Variants in TUBE1 observed in about 807,000 individuals in gnomAD.
TUBE1 encodes the protein tubulin epsilon chain.
A neutral mutation model predicts 53.5 loss-of-function variants in TUBE1; 34 were observed. That is an observed-to-expected ratio of 0.64 (90% confidence interval 0.48 to 0.85). The LOEUF is 0.85. TUBE1 is among the 40% of genes least tolerant of loss of function. TUBE1 has a pLI of 0.00. For missense variants in TUBE1, 532 were observed against 570.5 expected (o/e 0.93, Z 0.69); for synonymous variants, 177 against 198.4 (o/e 0.89, Z 0.91).
intron 3 of TUBE1, chr6:112,085,845 A>C: frequency 2.7e-6 from 1 of 369,334 alleles, no homozygotes; most frequent in Non-Finnish European, 5.4e-6. Flanking sequence ...TGCCAATGAC[A>C]CTTCTGAGTT....
chr6:112,071,871 AC>A, intron 11 of TUBE1, 30 bp downstream of exon 11: 1 of 1,555,446 alleles, frequency 6.4e-7, no homozygotes, highest in Non-Finnish European at 8.7e-7. Flanking sequence ...CAAAATAAAC[AC>A]ATACAGTTAC....
intron 6 of TUBE1, chr6:112,078,461 T>A (rs1777010933): frequency 6.6e-6 from 1 of 152,068 alleles, no homozygotes; most frequent in Admixed American, 6.5e-5. Flanking sequence ...TGGATAATCT[T>A]GTTTATGTAA....
chr6:112,079,042 A>G (rs1226427189), intron 6 of TUBE1, among the ~76,000 whole-genome samples: 2 of 152,048 alleles, frequency 1.3e-5, no homozygotes, highest in Non-Finnish European at 2.9e-5. Flanking sequence ...CTTCAGTTCT[A>G]AGGTATAGAC....
chr6:112,087,303 C>G lies in TUBE1; in HGVS notation c.29G>C (p.Gly10Ala). The change falls in exon 2 of 12, where the codon GGC (glycine) becomes GCC (alanine). Residue 10 changes from glycine (G) to alanine (A), a missense_variant. Physicochemically the swap from Gly to Ala is moderately conservative, Grantham distance 60. Transcript: ENST00000368662. ...GCAGCCGATCTGGTTTCCGCACTGG[C>G]CGACTGCGACCGGAGGAGAGGAAGG... MTQSVVVQV[G>A]QCGNQIGCCF... 1 of 1,552,398 alleles carries G rather than the reference C, an allele frequency of 6.4e-7. No individual in the cohort carries two copies. Among genetic ancestry groups the G allele is most frequent in the East Asian group, 2.4e-5 (1 of 40,998 alleles).
At chr6:112,086,753 C>T (rs992018038) in intron 2 of TUBE1, 145 bp from the exon 3 acceptor site, 1 of 602,006 alleles carries the variant, frequency 1.7e-6, no homozygotes, top group Non-Finnish European at 2.9e-6. Flanking sequence ...CGGAGCCTGA[C>T]TCTTCCCAAT....
rs1405670096 is a variant in TUBE1 at position 112,087,472 on chromosome 6, C to T, written c.-38G>A. The T allele has an allele frequency of 6.5e-7, 1 of 1,547,834 alleles. No individual in the cohort carries two copies. Among genetic ancestry groups the T allele is most frequent in the Non-Finnish European group, 8.7e-7 (1 of 1,145,448 alleles). On this transcript the variant is annotated 5_prime_UTR_variant, in exon 1 of 12. Coordinates refer to ENST00000368662, the MANE Select transcript of TUBE1 (RefSeq NM_016262.5). Reference sequence around the variant, plus strand: ...CCGGCTCCGGGAGCTTGCTAGCCCGCGGCCGCTTCTGCATTCCCCCAGCAA... The same window carrying T: ...CCGGCTCCGGGAGCTTGCTAGCCCGTGGCCGCTTCTGCATTCCCCCAGCAA...
chr6:112,078,484 A>T (rs1777011251), intron 6 of TUBE1: 1 of 152,080 alleles, frequency 6.6e-6, no homozygotes, highest in African/African-American at 2.4e-5. Flanking sequence ...ATATACATAC[A>T]TGCTTTGATA....
rs1776958544 is a variant in TUBE1 at position 112,075,979 on chromosome 6, G to A, written c.770C>T (p.Ala257Val). Residue 257 changes from alanine (A) to valine (V), a missense_variant, in exon 8 of 12, where the codon GCA becomes GTA. Physicochemically the swap from Ala to Val is moderately conservative, Grantham distance 64 (BLOSUM62 0). Coordinates refer to ENST00000368662, the MANE Select transcript of TUBE1 (RefSeq NM_016262.5). ...CAAATTTGCCACAATGTTATTCATT[G>A]CATCAAAGGGCTTCTTATGCTGCTT... ...LKKQHKKPFD[A>V]MNNIVANLLL... 6.2e-7 allele frequency: 1 copy of A among 1,613,572 alleles called. No homozygotes were observed. Among genetic ancestry groups the A allele is most frequent in the Non-Finnish European group, 8.5e-7 (1 of 1,179,756 alleles).
At chr6:112,080,201 CAT>C (rs1181245269) in intron 5 of TUBE1, among the ~76,000 whole-genome samples, 2 of 151,834 alleles carry the variant, frequency 1.3e-5, no homozygotes, top group African/African-American at 4.8e-5. Context: ...ATTCTGGTTT[CAT>C]ATATGAGAAA....
chr6:112,081,077 G>T lies in TUBE1; in HGVS notation c.326+15C>A, dbSNP rs782796162. 9 of 1,421,108 alleles carry T rather than the reference G, an allele frequency of 6.3e-6. No homozygotes were observed. Among genetic ancestry groups the T allele is most frequent in the Non-Finnish European group, 7.8e-6 (8 of 1,022,194 alleles). 88.0% of individuals were successfully genotyped at this position (1,421,108 alleles called of 1,614,324 possible). ...TTTTCAGAAGATATTCAATTTTTACGCTGTGTATTCTCACCAATTATTTCC... is the reference window on the plus strand; with the variant it reads ...TTTTCAGAAGATATTCAATTTTTACTCTGTGTATTCTCACCAATTATTTCC... On this transcript the variant is annotated intron_variant, in intron 5 of 11. Transcript: ENST00000368662.
intron 9 of TUBE1, among the ~76,000 whole-genome samples, chr6:112,073,872 T>A (rs587715037): frequency 6.6e-6 from 1 of 152,112 alleles, no homozygotes; most frequent in African/African-American, 2.4e-5. Context: ...AACTCCTGGG[T>A]TCAAGTGATC....
intron 4 of TUBE1, among the ~76,000 whole-genome samples, chr6:112,083,321 T>C (rs1251080055): frequency 8.4e-6 from 1 of 119,032 alleles, no homozygotes; most frequent in Non-Finnish European, 1.6e-5. Context: ...TTCCATAACA[T>C]TTTTTTTTTT....
intron 4 of TUBE1, 58 bp downstream of exon 4, chr6:112,084,131 T>C: frequency 7.4e-7 from 1 of 1,344,420 alleles, no homozygotes; most frequent in Non-Finnish European, 1.1e-6. Context: ...TGATAGTTAC[T>C]GAGAATAGTT....
Position 112,075,064 on chromosome 6 carries a change from C to CTTTTTTTTTTT in TUBE1, c.813-215_813-214insAAAAAAAAAAA, listed in dbSNP as rs781833721. ...CACACAACATCTACATTTTTTTTTTCTTTCTTTTTTTTTTTTTTTTGAGAC... is the reference window on the plus strand; with the variant it reads ...CACACAACATCTACATTTTTTTTTTCTTTTTTTTTTTTTTCTTTTTTTTTTTTTTTTGAGAC... On this transcript the variant is annotated intron_variant, in intron 8 of 11. Transcript: ENST00000368662. 11 of 164,840 alleles carry CTTTTTTTTTTT rather than the reference C, an allele frequency of 6.7e-5. 1 individual carries two copies. Among genetic ancestry groups the CTTTTTTTTTTT allele is most frequent in the Non-Finnish European group, 8.0e-5 (7 of 87,646 alleles). The allele number at this position is 164,840 out of a possible 1,614,324, so 10.2% of individuals were successfully genotyped here.
rs1427057922 is a variant in TUBE1, at chr6:112,087,231, A to T, written c.99+2T>A. ...AGGGGGCTCGCGGCGGCGGGCGGGT[A>T]CCTGGTTGACCGCGGCGTGCTCCCT... On this transcript the variant is annotated splice_donor_variant, in intron 2 of 11. Transcript: ENST00000368662. LOFTEE classifies it high-confidence loss of function. The T allele has an allele frequency of 6.5e-7, 1 of 1,550,316 alleles. No individual in the cohort carries two copies. Among genetic ancestry groups the T allele is most frequent in the Non-Finnish European group, 8.7e-7 (1 of 1,146,706 alleles).
intron 11 of TUBE1, 30 bp downstream of exon 11, chr6:112,071,872 C>A: frequency 4.5e-6 from 7 of 1,556,094 alleles, no homozygotes; most frequent in Non-Finnish European, 5.2e-6. Flanking sequence ...AAAATAAACA[C>A]ATACAGTTAC....
At chr6:112,077,099 A>T (rs587614855) in intron 6 of TUBE1, 7 of 152,310 alleles carry the variant, frequency 4.6e-5, no homozygotes, top group African/African-American at 1.2e-4. Flanking sequence ...TAAAAAATTC[A>T]ACTAAGACGG....
chr6:112,080,656 G>T (rs1554316649), intron 5 of TUBE1, among the ~76,000 whole-genome samples: 1 of 152,022 alleles, frequency 6.6e-6, no homozygotes, highest in African/African-American at 2.4e-5. Flanking sequence ...ACAGTAAAGA[G>T]AAGAGACCAT....
At position 112,072,773 on chromosome 6, in the gene TUBE1, C is replaced by T. The variant is rs782688731; in HGVS notation, c.1079G>A (p.Arg360His). Reference sequence around the variant, plus strand: ...TAAACCAAACCTTTCAATATTTCTACGAAGATCTGAAATTTGTACATTTCC... The same window carrying T: ...TAAACCAAACCTTTCAATATTTCTATGAAGATCTGAAATTTGTACATTTCC... ...VRGNVQISDL[R>H]RNIERLKPSL... Residue 360 changes from arginine (R) to histidine (H), a missense_variant, in exon 10 of 12, where the codon CGT becomes CAT. Transcript: ENST00000368662. 5.0e-6 allele frequency: 8 copies of T among 1,612,920 alleles called. No individual in the cohort carries two copies. The highest frequency in any genetic ancestry group is 5.9e-6 in the Non-Finnish European group (7 of 1,179,276).
Sources: gnomAD v4.1 joint callset for allele counts (sites outside exome capture counted in the v4.1 genomes callset) on GRCh38, gnomAD v4.1.1 for gene constraint, MANE v1.5 for transcripts, NCBI Gene and HGNC (gene_info 2026-07-23, HGNC 2026-07-21) for gene names.